The following PREX2 variants were observed in gnomAD, a reference collection of about 807,000 sequenced individuals.
The protein encoded by PREX2 is phosphatidylinositol-3,4,5-trisphosphate dependent Rac exchange factor 2, also known as phosphatidylinositol 3,4,5-trisphosphate-dependent Rac exchanger 2 protein.
A neutral mutation model predicts 203.2 loss-of-function variants in PREX2; 107 were observed. The observed-to-expected ratio is 0.53, with a 90% CI of 0.45 to 0.62. PREX2 has a LOEUF of 0.62. Ranked by LOEUF, PREX2 falls within the 20% of genes least tolerant of loss-of-function variation. The pLI, the probability that PREX2 is intolerant of heterozygous loss-of-function variation, is 0.00. For synonymous variants in PREX2, 672 were observed against 663.6 expected (o/e 1.01, Z -0.19); for missense variants, 1,777 against 1,955.9 (o/e 0.91, Z 1.72).
At chr8:68,208,615 A>G (rs1293400578) in intron 37 of PREX2, among the ~76,000 whole-genome samples, 3 of 152,090 alleles carry the variant, frequency 2.0e-5, no homozygotes, top group Non-Finnish European at 4.4e-5. Context: ...AAAGCAGAGG[A>G]AGAGGTAAAA....
At chr8:68,068,454 A>T (rs187942476) in intron 11 of PREX2, among the ~76,000 whole-genome samples, 1 of 152,130 alleles carries the variant, frequency 6.6e-6, no homozygotes, top group Non-Finnish European at 1.5e-5. Flanking sequence ...AACAGTTACA[A>T]TTTTGGCATC....
intron 1 of PREX2, among the ~76,000 whole-genome samples, chr8:67,959,808 G>A (rs1805585730): frequency 1.3e-5 from 2 of 152,176 alleles, no homozygotes; most frequent in South Asian, 4.1e-4. Flanking sequence ...CCCACACTGG[G>A]ACAGTGAGGT....
chr8:68,022,410 T>G lies in PREX2; in HGVS notation c.441+270T>G, dbSNP rs142224705. On this transcript the variant is annotated intron_variant, in intron 4 of 39. Transcript: ENST00000288368. ...AGCGAGAGAGGAGCTTCTGCCAGAG[T>G]TCATCACTGCTTTATAGCCCCAGTT... Among the ~76,000 whole-genome samples the G allele has an allele frequency of 1.9e-3, 289 of 152,160 alleles. 2 individuals carry two copies. Among genetic ancestry groups the G allele is most frequent in the Admixed American group, 0.016 (250 of 15,268 alleles).
intron 1 of PREX2, among the ~76,000 whole-genome samples, chr8:67,979,050 C>A (rs191530256): frequency 6.6e-4 from 101 of 152,290 alleles, no homozygotes; most frequent in Non-Finnish European, 1.3e-3. Context: ...GAAAACATTT[C>A]ATCTGCTCAG....
intron 39 of PREX2, among the ~76,000 whole-genome samples, chr8:68,230,617 T>C (rs73683416): frequency 0.11 from 16,045 of 152,130 alleles, 1,675 homozygotes; most frequent in East Asian, 0.45. Context: ...CTTGTGTGAC[T>C]GTAGTTAAAC....
chr8:68,089,220 G>T (rs539234752), intron 19 of PREX2, among the ~76,000 whole-genome samples: 2 of 113,504 alleles, frequency 1.8e-5, no homozygotes, highest in East Asian at 5.3e-4. Context: ...AGCTGGAAAA[G>T]ACTGTCATGG....
chr8:68,145,309 A>G (rs1811303617), intron 33 of PREX2, among the ~76,000 whole-genome samples: 1 of 152,130 alleles, frequency 6.6e-6, no homozygotes. Flanking sequence ...TGTTTCCCAT[A>G]TTGGTATGCA....
intron 35 of PREX2, among the ~76,000 whole-genome samples, chr8:68,172,893 G>C (rs1049946799): frequency 6.6e-6 from 1 of 152,140 alleles, no homozygotes; most frequent in Admixed American, 6.6e-5. Context: ...ACATGCTTCA[G>C]CTCCATTTCT....
At chr8:67,966,348 T>C (rs891430775) in intron 1 of PREX2, among the ~76,000 whole-genome samples, 9 of 152,162 alleles carry the variant, frequency 5.9e-5, no homozygotes, top group Non-Finnish European at 1.3e-4. Context: ...TTTTCCAGTA[T>C]GTCACAATTC....
chr8:68,036,871 C>T (rs370265802), intron 6 of PREX2, among the ~76,000 whole-genome samples: 38 of 151,854 alleles, frequency 2.5e-4, no homozygotes, highest in African/African-American at 8.0e-4. Context: ...TTCCAGGAGG[C>T]GGAGGTTGTG....
intron 13 of PREX2, 152 bp downstream of exon 13, chr8:68,070,036 A>G: frequency 4.6e-6 from 2 of 432,534 alleles, no homozygotes; most frequent in Non-Finnish European, 4.1e-6. Flanking sequence ...ATTGTAAAAT[A>G]TCCCTACATT....
At chr8:68,166,208 C>G (rs1417591331) in intron 35 of PREX2, among the ~76,000 whole-genome samples, 1 of 152,098 alleles carries the variant, frequency 6.6e-6, no homozygotes, top group Non-Finnish European at 1.5e-5. Context: ...AGACCTTTGA[C>G]CAAAGACTGG....
intron 19 of PREX2, among the ~76,000 whole-genome samples, chr8:68,088,828 T>C (rs1326294430): frequency 6.6e-6 from 1 of 152,220 alleles, no homozygotes; most frequent in South Asian, 2.1e-4. Flanking sequence ...ACATTAATAG[T>C]GCTATAAAAT....
chr8:68,092,845 G>T (rs1423902257), intron 20 of PREX2, among the ~76,000 whole-genome samples: 1 of 151,984 alleles, frequency 6.6e-6, no homozygotes, highest in Non-Finnish European at 1.5e-5. Flanking sequence ...AAAGAGATGG[G>T]GTCTCACTAC....
At position 68,231,477 on chromosome 8, in the gene PREX2, CTTTTTTT is replaced by C; in HGVS notation, c.*111_*117del. The C allele has an allele frequency of 8.5e-6, 4 of 473,132 alleles. No homozygotes were observed. The highest frequency in any genetic ancestry group is 6.7e-6 in the Non-Finnish European group (2 of 297,448). 29.3% of individuals were successfully genotyped at this position (473,132 alleles called of 1,614,324 possible). A position where few individuals can be genotyped will look rare whatever the true frequency, so the allele number is the denominator to read the frequency against. ...ATTCTCCACTGAAGATACATCAATG[CTTTTTTT>C]TTTTTTTTTTTCTGTAAATCTTTCT... On this transcript the variant is annotated 3_prime_UTR_variant, in exon 40 of 40. Coordinates refer to ENST00000288368, the MANE Select transcript of PREX2 (RefSeq NM_024870.4).
intron 9 of PREX2, among the ~76,000 whole-genome samples, chr8:68,054,690 T>G (rs1199327188): frequency 6.6e-6 from 1 of 152,204 alleles, no homozygotes; most frequent in African/African-American, 2.4e-5. Flanking sequence ...TCCATCAGAT[T>G]AACTCCCACT....
intron 31 of PREX2, among the ~76,000 whole-genome samples, chr8:68,133,146 G>A (rs1417777521): frequency 6.6e-6 from 1 of 152,190 alleles, no homozygotes; most frequent in Non-Finnish European, 1.5e-5. Flanking sequence ...AGGCAAGAGA[G>A]AGCAGAGAGC....
chr8:68,170,660 A>G (rs1260315604), intron 35 of PREX2, among the ~76,000 whole-genome samples: 2 of 152,208 alleles, frequency 1.3e-5, no homozygotes, highest in African/African-American at 4.8e-5. Context: ...CAGCATGTAA[A>G]GTGTTTAACT....
rs145000678 is a variant in PREX2 at position 68,046,641 on chromosome 8, C to G, written c.943+2051C>G. On this transcript the variant is annotated intron_variant, in intron 8 of 39. Coordinates refer to ENST00000288368, the MANE Select transcript of PREX2 (RefSeq NM_024870.4). ...ATAAATTAGTTGTCCTATGGAACCT[C>G]TTGACACAAATTCGCAGGCTTGATT... is the stretch of plus-strand genomic sequence containing the variant. 1.8e-3 allele frequency among the ~76,000 whole-genome samples: 267 copies of G among 152,190 alleles called. 1 individual carries two copies. The East Asian group carries it at 0.023, about 13-fold the overall frequency.
Sources: gnomAD v4.1 joint callset for allele counts (sites outside exome capture counted in the v4.1 genomes callset) on GRCh38, gnomAD v4.1.1 for gene constraint, MANE v1.5 for transcripts, NCBI Gene and HGNC (gene_info 2026-07-23, HGNC 2026-07-21) for gene names.